CACNA1B: variants seen among roughly 807,000 people sequenced by gnomAD.
The protein encoded by CACNA1B is calcium voltage-gated channel subunit alpha1 B.
A neutral mutation model predicts 247.2 loss-of-function variants in CACNA1B; 70 were observed. The ratio of observed to expected loss-of-function variants is 0.28; its 90% CI spans 0.23 to 0.35. The LOEUF (loss-of-function observed/expected upper bound fraction) is 0.35. Among genes scored for constraint, CACNA1B ranks in the 10% least tolerant of loss-of-function variants. The pLI, the probability that CACNA1B is intolerant of heterozygous loss-of-function variation, is 1.00. For missense variants in CACNA1B, 2,367 were observed against 3,197.4 expected, an observed-to-expected ratio of 0.74 and a Z score of 6.26; for synonymous variants, 1,231 against 1,294.4, an observed-to-expected ratio of 0.95 and a Z score of 1.05.
Position 138,057,872 on chromosome 9 carries a change from G to T in CACNA1B, c.4106+3G>T. The T allele has an allele frequency of 6.2e-7, 1 of 1,601,002 alleles. No homozygotes were observed. Among genetic ancestry groups the T allele is most frequent in the Non-Finnish European group, 8.5e-7 (1 of 1,169,690 alleles). The stretch of plus-strand genomic sequence containing the variant: ...TCCACGGGAGAAGGCTGGCCCATGT[G>T]AGTGCTCATCCTGCTCTCCGTAGCT... On this transcript the variant is annotated splice_donor_region_variant and intron_variant, in intron 27 of 46. Coordinates refer to ENST00000371372, the MANE Select transcript of CACNA1B (RefSeq NM_000718.4). The surrounding 1 kb of genome is among the most constrained non-coding windows in gnomAD (Gnocchi z 4.0).
chr9:138,092,559 T>C (rs557073722), intron 36 of CACNA1B, among the ~76,000 whole-genome samples: 19 of 152,320 alleles, frequency 1.2e-4, no homozygotes, highest in Non-Finnish European at 2.4e-4. Flanking sequence ...AACACACATG[T>C]TTTACTAACA....
intron 6 of CACNA1B, among the ~76,000 whole-genome samples, chr9:137,935,820 G>A (rs192476086): frequency 3.4e-4 from 52 of 152,058 alleles, no homozygotes; most frequent in African/African-American, 1.2e-3. Flanking sequence ...TGTTGCCCAG[G>A]CTGGAGTACA....
intron 6 of CACNA1B, among the ~76,000 whole-genome samples, chr9:137,935,312 T>C (rs915308288): frequency 2.0e-5 from 3 of 152,134 alleles, no homozygotes; most frequent in Non-Finnish European, 4.4e-5. Flanking sequence ...GTCCAAGTGT[T>C]CTCATTGTTC....
At chr9:138,022,905 C>T (rs557812562) in intron 18 of CACNA1B, 106 bp from the exon 19 acceptor site, 64 of 1,351,362 alleles carry the variant, frequency 4.7e-5, no homozygotes, top group Middle Eastern at 2.7e-4. Context: ...CCACGCCTCC[C>T]ACCTCCCTGC....
At chr9:138,039,829 T>C (rs1959094966) in intron 20 of CACNA1B, among the ~76,000 whole-genome samples, 1 of 152,204 alleles carries the variant, frequency 6.6e-6, no homozygotes, top group Non-Finnish European at 1.5e-5. Context: ...TTTTGTGAGC[T>C]CTGAGTTTTT....
chr9:138,002,773 CT>C (rs910634229), intron 15 of CACNA1B, among the ~76,000 whole-genome samples: 3 of 151,656 alleles, frequency 2.0e-5, no homozygotes, highest in African/African-American at 7.3e-5. Context: ...GAAATTTCTT[CT>C]CTTTTCTTTT....
At position 138,046,899 on chromosome 9, in the gene CACNA1B, C is replaced by A. The variant is rs1959190365; in HGVS notation, c.3414-5C>A. ...CCTTGTGGTGATCCGTGCCTTCCCT[C>A]ACAGGCTCCGCCGCTTCTGCCACTA... is the stretch of plus-strand genomic sequence containing the variant. On this transcript the variant is annotated splice_polypyrimidine_tract_variant and splice_region_variant and intron_variant, in intron 21 of 46. Coordinates refer to ENST00000371372, the MANE Select transcript of CACNA1B (RefSeq NM_000718.4). 6.2e-7 allele frequency: 1 copy of A among 1,612,876 alleles called. No homozygotes were observed. Among genetic ancestry groups the A allele is most frequent in the African/African-American group, 1.3e-5 (1 of 75,060 alleles).
At chr9:138,031,324 C>T (rs1958985218) in intron 20 of CACNA1B, among the ~76,000 whole-genome samples, 1 of 152,102 alleles carries the variant, frequency 6.6e-6, no homozygotes, top group African/African-American at 2.4e-5. Context: ...TGGAGATTTG[C>T]CTATTTCTCT....
intron 23 of CACNA1B, among the ~76,000 whole-genome samples, chr9:138,048,878 C>T (rs762616420): frequency 6.6e-5 from 10 of 152,096 alleles, no homozygotes; most frequent in African/African-American, 1.9e-4. Context: ...ACACCACACC[C>T]GGCTAATTTT....
chr9:138,111,868 C>T (rs1201101478), intron 39 of CACNA1B, among the ~76,000 whole-genome samples: 4 of 152,154 alleles, frequency 2.6e-5, no homozygotes, highest in Non-Finnish European at 5.9e-5. Flanking sequence ...TGTCCACAGC[C>T]GCAGCCCTGC....
rs1332157167 is a variant in CACNA1B at position 137,952,345 on chromosome 9, C to T, written c.1038C>T (p.Phe346=). The change falls in exon 7 of 47, where the codon TTC becomes TTT. Residue 346 remains phenylalanine, a synonymous_variant. Coordinates refer to ENST00000371372, the MANE Select transcript of CACNA1B (RefSeq NM_000718.4). This position sits in a 1 kb window ranked among gnomAD's most constrained non-coding sequence, Gnocchi z 4.8. ...FIPLIIIGSF[F]MLNLVLGVLS... The stretch of plus-strand genomic sequence containing the variant: ...CTCTCATCATCATCGGCTCCTTCTT[C>T]ATGCTCAACCTGGTGCTGGGCGTGC... The T allele has an allele frequency of 1.2e-6, 2 of 1,613,550 alleles. No individual in the cohort carries two copies. Among genetic ancestry groups the T allele is most frequent in the Non-Finnish European group, 1.7e-6 (2 of 1,179,742 alleles).
intron 6 of CACNA1B, among the ~76,000 whole-genome samples, chr9:137,920,558 C>T (rs1457232748): frequency 2.6e-5 from 4 of 152,184 alleles, no homozygotes; most frequent in Non-Finnish European, 5.9e-5. Flanking sequence ...TGTAGAACTT[C>T]GCCTTACCCA....
chr9:138,025,071 G>A lies in CACNA1B; in HGVS notation c.3185G>A (p.Arg1062Gln), dbSNP rs201994477. Residue 1062 changes from arginine (R) to glutamine (Q), a missense_variant, in exon 20 of 47, where the codon CGG (arginine) becomes CAG (glutamine). Arg to Gln is a conservative substitution (Grantham distance 43, BLOSUM62 1). Coordinates refer to ENST00000371372, the MANE Select transcript of CACNA1B (RefSeq NM_000718.4). The stretch of plus-strand genomic sequence containing the variant: ...CAGCCAGAGGATGCAGACAATCAGC[G>A]GAACGTCACTCGCATGGGCAGTCAG... ...EEQPEDADNQRNVTRMGSQPP... is the reference protein window; with the variant it reads ...EEQPEDADNQQNVTRMGSQPP... 1.4e-5 allele frequency: 22 copies of A among 1,612,766 alleles called. No homozygotes were observed. The highest frequency in any genetic ancestry group is 1.7e-5 in the Non-Finnish European group (20 of 1,179,456).
At chr9:137,896,267 T>C (rs760978111) in intron 3 of CACNA1B, among the ~76,000 whole-genome samples, 4 of 150,076 alleles carry the variant, frequency 2.7e-5, no homozygotes, top group Non-Finnish European at 5.9e-5. Flanking sequence ...AAAAGTTAGC[T>C]GTAGGGTTTT....
intron 39 of CACNA1B, among the ~76,000 whole-genome samples, chr9:138,111,148 T>C (rs1961614946): frequency 6.6e-6 from 1 of 152,216 alleles, no homozygotes; most frequent in Admixed American, 6.5e-5. Context: ...GTTACTTCTA[T>C]GGTCCAGCCA....
intron 15 of CACNA1B, among the ~76,000 whole-genome samples, chr9:137,998,505 C>T (rs1355926082): frequency 1.3e-5 from 2 of 152,110 alleles, no homozygotes; most frequent in African/African-American, 4.8e-5. Context: ...TCGCCTGAAC[C>T]TGGGAGGCAG....
intron 3 of CACNA1B, among the ~76,000 whole-genome samples, chr9:137,883,247 G>A (rs1468630125): frequency 6.6e-6 from 1 of 150,892 alleles, no homozygotes; most frequent in Non-Finnish European, 1.5e-5. Flanking sequence ...CGAGGAGGAG[G>A]GCTGGACTTC....
intron 15 of CACNA1B, among the ~76,000 whole-genome samples, chr9:137,994,226 C>T (rs1958469491): frequency 6.6e-6 from 1 of 152,160 alleles, no homozygotes; most frequent in African/African-American, 2.4e-5. Context: ...CTGTGACAAA[C>T]CCACAGCCAA....
intron 22 of CACNA1B, 47 bp from the exon 23 acceptor site, chr9:138,047,352 T>C: frequency 6.8e-7 from 1 of 1,461,786 alleles, no homozygotes; most frequent in Non-Finnish European, 9.6e-7. Context: ...GCACCCTGGC[T>C]CAGATTTCAG....
Sources: allele counts gnomAD v4.1 joint callset (sites outside exome capture counted in the v4.1 genomes callset), GRCh38; gene constraint gnomAD v4.1.1; non-coding constraint Gnocchi (gnomAD v3.1); transcripts MANE v1.5; gene names NCBI Gene and HGNC (gene_info 2026-07-23, HGNC 2026-07-21).